The following SRGAP1 variants were observed in gnomAD, a reference collection of about 807,000 sequenced individuals.
SRGAP1 encodes SLIT-ROBO Rho GTPase-activating protein 1.
In SRGAP1, 43 loss-of-function variants were observed where a neutral mutation model predicts 121.9. The ratio of observed to expected loss-of-function variants is 0.35; its 90% CI spans 0.28 to 0.46. SRGAP1 has a LOEUF of 0.46. Among genes scored for constraint, SRGAP1 ranks in the 20% least tolerant of loss-of-function variants. The pLI is 1.00. For missense variants in SRGAP1, 1,102 were observed against 1,350.9 expected (o/e 0.82, Z 2.89); for synonymous variants, 447 against 485.4 (o/e 0.92, Z 1.04).
At chr12:63,868,047 TA>T (rs1565927544) in intron 1 of SRGAP1, among the ~76,000 whole-genome samples, 15 of 34,758 alleles carry the variant, frequency 4.3e-4, no homozygotes, top group East Asian at 1.5e-3. Flanking sequence ...TATATATATA[TA>T]TATATATATT....
At chr12:63,932,242 C>A (rs2031502959) in intron 1 of SRGAP1, among the ~76,000 whole-genome samples, 1 of 152,192 alleles carries the variant, frequency 6.6e-6, no homozygotes, top group South Asian at 2.1e-4. Context: ...GATTGCACCA[C>A]TGCACTCTAG....
chr12:63,868,072 T>G (rs1592897703), intron 1 of SRGAP1, among the ~76,000 whole-genome samples: 25 of 98,058 alleles, frequency 2.5e-4, no homozygotes, highest in African/African-American at 4.6e-4. Flanking sequence ...TTTTTTTTTT[T>G]TTTTTTGTTT....
intron 1 of SRGAP1, among the ~76,000 whole-genome samples, chr12:63,870,643 G>T (rs1899820707): frequency 6.7e-6 from 1 of 150,228 alleles, no homozygotes; most frequent in African/African-American, 2.5e-5. Flanking sequence ...GGGTTCAAGT[G>T]ATTCTCCTGC....
rs1206549891 is a variant in SRGAP1 at position 64,153,327 on chromosome 12, G to C, written c.*10655G>C. On this transcript the variant is annotated 3_prime_UTR_variant, in exon 22 of 22. Transcript: ENST00000355086. Reference sequence around the variant, plus strand: ...GGCCAAAGTAAGGTACTTAAAATTAGCCGGGCTTGGTGGTGCACAACTGTA... The same window carrying C: ...GGCCAAAGTAAGGTACTTAAAATTACCCGGGCTTGGTGGTGCACAACTGTA... 6.6e-6 allele frequency: 1 copy of C among 152,082 alleles called. No individual in the cohort carries two copies. Among genetic ancestry groups the C allele is most frequent in the African/African-American group, 2.4e-5 (1 of 41,386 alleles). 9.4% of individuals were successfully genotyped at this position (152,082 alleles called of 1,614,324 possible).
In SRGAP1 at chr12:64,152,105, T is replaced by C. The variant is rs2037125290; in HGVS notation, c.*9433T>C. ...AAACCTAACAAACAATCATTGAAAATGTACCATGTACTGACATCGTTTTCC... is the reference window on the plus strand; with the variant it reads ...AAACCTAACAAACAATCATTGAAAACGTACCATGTACTGACATCGTTTTCC... On this transcript the variant is annotated 3_prime_UTR_variant, in exon 22 of 22. Coordinates refer to ENST00000355086, the MANE Select transcript of SRGAP1 (RefSeq NM_020762.4). 1 of 152,184 alleles carries C rather than the reference T, an allele frequency of 6.6e-6. No homozygotes were observed. Among genetic ancestry groups the C allele is most frequent in the Non-Finnish European group, 1.5e-5 (1 of 68,040 alleles). The allele number at this position is 152,184 out of a possible 1,614,324, so 9.4% of individuals were successfully genotyped here.
At chr12:64,084,346 G>A (rs564842459) in intron 10 of SRGAP1, among the ~76,000 whole-genome samples, 4 of 140,750 alleles carry the variant, frequency 2.8e-5, no homozygotes, top group South Asian at 2.3e-4. Context: ...GGGGTGTGGC[G>A]AGGGGAAGGA....
chr12:63,935,586 T>C (rs2136343945), intron 1 of SRGAP1, among the ~76,000 whole-genome samples: 1 of 152,306 alleles, frequency 6.6e-6, no homozygotes, highest in East Asian at 1.9e-4. Flanking sequence ...ATCAAGGAAA[T>C]GACACAATAC....
chr12:64,033,127 C>T (rs1350797883), intron 4 of SRGAP1, among the ~76,000 whole-genome samples: 2 of 151,942 alleles, frequency 1.3e-5, no homozygotes, highest in Non-Finnish European at 2.9e-5. Flanking sequence ...TTATTTCCTC[C>T]CTTTGCATAT....
At chr12:64,111,680 A>G (rs2136615968) in intron 16 of SRGAP1, 82 bp from the exon 17 acceptor site, 1 of 1,201,920 alleles carries the variant, frequency 8.3e-7, no homozygotes, top group East Asian at 2.5e-5. Context: ...TTATTAAAGT[A>G]TTGAAGTATC....
intron 1 of SRGAP1, among the ~76,000 whole-genome samples, chr12:63,928,222 A>C (rs1447698014): frequency 6.6e-6 from 1 of 152,160 alleles, no homozygotes; most frequent in Non-Finnish European, 1.5e-5. Context: ...TGCTTTGCTG[A>C]TGGGAGTATA....
chr12:63,982,229 AAAAC>A (rs1258361266), intron 1 of SRGAP1, among the ~76,000 whole-genome samples: 2 of 151,410 alleles, frequency 1.3e-5, no homozygotes, highest in Non-Finnish European at 2.9e-5. Flanking sequence ...AACAAAAACA[AAAAC>A]AAAAAAAAGA....
chr12:63,969,881 C>G (rs1414447693), intron 1 of SRGAP1, among the ~76,000 whole-genome samples: 1 of 152,092 alleles, frequency 6.6e-6, no homozygotes. Context: ...CACTAGAGCC[C>G]ATGTTTCCAT....
chr12:64,102,717 A>G (rs1490979301), intron 15 of SRGAP1, among the ~76,000 whole-genome samples: 3 of 152,172 alleles, frequency 2.0e-5, no homozygotes, highest in Non-Finnish European at 2.9e-5. Context: ...GTTTTCAAGG[A>G]TCATCCATGT....
At chr12:63,995,136 C>G (rs2033660346) in intron 3 of SRGAP1, among the ~76,000 whole-genome samples, 1 of 152,130 alleles carries the variant, frequency 6.6e-6, no homozygotes, top group Non-Finnish European at 1.5e-5. Context: ...TTTTAAATTA[C>G]CTTGAAGTCT....
In SRGAP1 at chr12:63,944,668, C is replaced by T. The variant is rs2031984599; in HGVS notation, c.68-39279C>T. Reference sequence around the variant, plus strand: ...AGCTTCTGCTATGTAAACAGGTTTGCTCCACTCACAAACATGCCACTGGAC... The same window carrying T: ...AGCTTCTGCTATGTAAACAGGTTTGTTCCACTCACAAACATGCCACTGGAC... On this transcript the variant is annotated intron_variant, in intron 1 of 21. Coordinates refer to ENST00000355086, the MANE Select transcript of SRGAP1 (RefSeq NM_020762.4). 1.3e-5 allele frequency among the ~76,000 whole-genome samples: 2 copies of T among 152,190 alleles called. 1 individual carries two copies. Among genetic ancestry groups the T allele is most frequent in the South Asian group, 4.1e-4 (2 of 4,830 alleles).
intron 1 of SRGAP1, among the ~76,000 whole-genome samples, chr12:63,908,051 A>G (rs191379710): frequency 2.6e-5 from 4 of 152,260 alleles, no homozygotes; most frequent in Admixed American, 1.3e-4. Context: ...ATTCTGTTCC[A>G]TTGATGTATA....
intron 4 of SRGAP1, among the ~76,000 whole-genome samples, chr12:64,024,174 G>A (rs556377309): frequency 5.3e-5 from 8 of 152,302 alleles, no homozygotes; most frequent in Admixed American, 3.9e-4. Flanking sequence ...ATTCACGTCT[G>A]TAATCCCAGC....
intron 1 of SRGAP1, among the ~76,000 whole-genome samples, chr12:63,946,933 A>G (rs2032068776): frequency 6.6e-6 from 1 of 152,126 alleles, no homozygotes; most frequent in Admixed American, 6.5e-5. Context: ...TTACTTAGCA[A>G]AGATTTTTTT....
intron 4 of SRGAP1, among the ~76,000 whole-genome samples, chr12:64,026,259 AT>A (rs1169066555): frequency 6.6e-6 from 1 of 152,166 alleles, no homozygotes; most frequent in African/African-American, 2.4e-5. Context: ...CAGTATTATA[AT>A]TTTTAAGTGA....
Sources: gnomAD v4.1 joint callset for allele counts (sites outside exome capture counted in the v4.1 genomes callset) on GRCh38, gnomAD v4.1.1 for gene constraint, MANE v1.5 for transcripts, NCBI Gene and HGNC (gene_info 2026-07-23, HGNC 2026-07-21) for gene names.